The following DSG3 variants were observed in gnomAD, a reference collection of about 807,000 sequenced individuals.
The protein encoded by DSG3 is desmoglein-3.
A neutral mutation model predicts 85.9 loss-of-function variants in DSG3; 63 were observed. The ratio of observed to expected loss-of-function variants is 0.73; its 90% CI spans 0.60 to 0.90. The LOEUF (loss-of-function observed/expected upper bound fraction) is 0.90. DSG3 is among the 40% of genes least tolerant of loss of function. DSG3 has a pLI of 0.00. For synonymous variants in DSG3, 447 were observed against 441.9 expected (o/e 1.01, Z -0.14); for missense variants, 1,220 against 1,219.9 (o/e 1.00, Z 0.00).
At position 31,447,923 on chromosome 18, in the gene DSG3, G is replaced by A. The variant is rs2144255344; in HGVS notation, c.46G>A (p.Val16Met). The change falls in exon 1 of 16, where the codon GTG (valine) becomes ATG (methionine). Residue 16 changes from valine (V) to methionine (M), a missense_variant and splice_region_variant. Val to Met is a conservative substitution (Grantham distance 21). Transcript: ENST00000257189. Reference protein sequence around the residue: ...PRTTGALAIFVVVILVHGELR... With the variant: ...PRTTGALAIFMVVILVHGELR... ...AACTACAGGGGCTCTGGCCATCTTC[G>A]TGGTAAGTCCTGGATTTTCCTAATA... The A allele has an allele frequency of 6.3e-7, 1 of 1,583,056 alleles. No homozygotes were observed. Among genetic ancestry groups the A allele is most frequent in the African/African-American group, 1.4e-5 (1 of 72,602 alleles).
intron 11 of DSG3, among the ~76,000 whole-genome samples, chr18:31,468,404 C>T (rs2072835035): frequency 6.6e-6 from 1 of 152,120 alleles, no homozygotes; most frequent in African/African-American, 2.4e-5. Flanking sequence ...GTGGTTAAGC[C>T]CCAGAAGAGG....
chr18:31,465,694 G>T (rs2072813893), intron 10 of DSG3, among the ~76,000 whole-genome samples: 1 of 152,108 alleles, frequency 6.6e-6, no homozygotes, highest in African/African-American at 2.4e-5. Flanking sequence ...GGTTTGCTGT[G>T]GTTGAAGCAG....
intron 3 of DSG3, among the ~76,000 whole-genome samples, chr18:31,457,391 A>G (rs564121422): frequency 6.6e-6 from 1 of 152,236 alleles, no homozygotes; most frequent in South Asian, 2.1e-4. Flanking sequence ...TTGGATACAG[A>G]GTCTAGCAAA....
Position 31,475,859 on chromosome 18 carries a change from G to A in DSG3, c.2599G>A (p.Gly867Ser), listed in dbSNP as rs377333848. ...AEISLGVDGE[G>S]KEVQPPSKDS... ...GATAAGCCTTGGTGTTGATGGTGAA[G>A]GCAAAGAAGTTCAGCCACCCTCTAA... Residue 867 changes from glycine (G) to serine (S), a missense_variant, in exon 16 of 16, where the codon GGC becomes AGC. Physicochemically the swap from Gly to Ser is moderately conservative, Grantham distance 56. Coordinates refer to ENST00000257189, the MANE Select transcript of DSG3 (RefSeq NM_001944.3). 1.3e-5 allele frequency: 21 copies of A among 1,614,048 alleles called. No individual in the cohort carries two copies. Among genetic ancestry groups the A allele is most frequent in the Non-Finnish European group, 1.8e-5 (21 of 1,180,058 alleles).
In DSG3 at chr18:31,459,798, T is replaced by C. The variant is rs3737365; in HGVS notation, c.518-47T>C. On this transcript the variant is annotated intron_variant, in intron 5 of 15. Transcript: ENST00000257189. ...TTTGGAATATTTAAAGTAAACATAA[T>C]GTTAATTGTTACATATTCTTTAATA... The C allele has an allele frequency of 0.1, 154,973 of 1,501,888 alleles. 8,360 individuals carry two copies. The highest frequency in any genetic ancestry group is 0.13 in the African/African-American group (9,048 of 71,838). The allele number at this position is 1,501,888 out of a possible 1,614,324, so 93.0% of individuals were successfully genotyped here.
intron 1 of DSG3, among the ~76,000 whole-genome samples, chr18:31,455,278 C>G (rs2072735252): frequency 6.6e-6 from 1 of 152,036 alleles, no homozygotes; most frequent in South Asian, 2.1e-4. Context: ...ACATTAGCTA[C>G]TGTTATTACT....
Position 31,464,337 on chromosome 18 carries a change from A to G in DSG3, c.1226A>G (p.Tyr409Cys). ...TTGGTGGATTATATCCTGGGAACAT[A>G]TCAAGCCATCGATGAGGACACTAAC... ...KKLVDYILGT[Y>C]QAIDEDTNKA... Residue 409 changes from tyrosine to cysteine, a missense_variant, in exon 9 of 16, where the codon TAT (tyrosine) becomes TGT (cysteine). By Grantham distance (194) the Tyr-to-Cys change is radical. Coordinates refer to ENST00000257189, the MANE Select transcript of DSG3 (RefSeq NM_001944.3). The G allele has an allele frequency of 6.2e-7, 1 of 1,614,092 alleles. No homozygotes were observed. The highest frequency in any genetic ancestry group is 1.1e-5 in the South Asian group (1 of 91,048).
chr18:31,461,130 C>G (rs537995969), intron 7 of DSG3, 97 bp from the exon 8 acceptor site: 37 of 1,262,000 alleles, frequency 2.9e-5, no homozygotes, highest in Admixed American at 2.4e-4. Context: ...GAAGGAAATA[C>G]ATAATTTGAG....
chr18:31,475,522 C>G, intron 15 of DSG3, 124 bp from the exon 16 acceptor site: 1 of 1,172,012 alleles, frequency 8.5e-7, no homozygotes, highest in Non-Finnish European at 1.2e-6. Flanking sequence ...TAGACAGTGT[C>G]CTTTATTTCT....
In DSG3 at chr18:31,466,609, C is replaced by A. The variant is rs377026548; in HGVS notation, c.1491C>A (p.Leu497=). ...ATGACAATTGTCCAACAGCTGTCCTCGAAAAAGATGCAGTTTGCAGTTCTT... is the reference window on the plus strand; with the variant it reads ...ATGACAATTGTCCAACAGCTGTCCTAGAAAAAGATGCAGTTTGCAGTTCTT... ...DFNDNCPTAV[L]EKDAVCSSSP... The change falls in exon 11 of 16, where the codon CTC becomes CTA. Residue 497 remains leucine, a synonymous_variant. Coordinates refer to ENST00000257189, the MANE Select transcript of DSG3 (RefSeq NM_001944.3). The A allele has an allele frequency of 1.2e-6, 2 of 1,614,192 alleles. No individual in the cohort carries two copies. The highest frequency in any genetic ancestry group is 1.7e-5 in the Admixed American group (1 of 60,030).
At chr18:31,463,262 C>T (rs1347497010) in intron 8 of DSG3, among the ~76,000 whole-genome samples, 5 of 152,182 alleles carry the variant, frequency 3.3e-5, no homozygotes, top group African/African-American at 1.2e-4. Context: ...GCCTCTTACC[C>T]CTTGTATTAT....
chr18:31,475,499 A>G, intron 15 of DSG3, 147 bp from the exon 16 acceptor site: 1 of 1,012,350 alleles, frequency 9.9e-7, no homozygotes, highest in South Asian at 1.7e-5. Context: ...AATGTTTTGA[A>G]CAAGATTGTT....
Position 31,476,089 on chromosome 18 carries a change from C to A in DSG3, c.2829C>A (p.Leu943=). The change falls in exon 16 of 16, where the codon CTC becomes CTA. Residue 943 remains leucine (L), a synonymous_variant. Coordinates refer to ENST00000257189, the MANE Select transcript of DSG3 (RefSeq NM_001944.3). ...AGACTTACTCGGCTTCTGGTTCCCT[C>A]GTGCAACCTTCCACTGCAGGCTTTG... ...VTETYSASGS[L]VQPSTAGFDP... 6 of 1,614,200 alleles carry A rather than the reference C, an allele frequency of 3.7e-6. No homozygotes were observed. The highest frequency in any genetic ancestry group is 5.1e-6 in the Non-Finnish European group (6 of 1,180,042).
In DSG3 at chr18:31,476,478, T is replaced by A; in HGVS notation, c.*218T>A. ...CAAGTACTATTCAAATTGTAGTAAA[T>A]CTTAAAGTTTTTCAAAACCCTAAAA... On this transcript the variant is annotated 3_prime_UTR_variant, in exon 16 of 16. Coordinates refer to ENST00000257189, the MANE Select transcript of DSG3 (RefSeq NM_001944.3). 1 of 458,012 alleles carries A rather than the reference T, an allele frequency of 2.2e-6. No homozygotes were observed. The highest frequency in any genetic ancestry group is 3.6e-6 in the Non-Finnish European group (1 of 274,346). The allele number at this position is 458,012 out of a possible 1,614,324, so 28.4% of individuals were successfully genotyped here.
intron 8 of DSG3, among the ~76,000 whole-genome samples, chr18:31,461,799 C>T (rs1426354681): frequency 1.3e-5 from 2 of 152,208 alleles, no homozygotes; most frequent in African/African-American, 4.8e-5. Flanking sequence ...TGGATGGAAT[C>T]ACGTCTTGCC....
intron 9 of DSG3, among the ~76,000 whole-genome samples, chr18:31,464,903 G>A (rs917268361): frequency 6.6e-6 from 1 of 152,066 alleles, no homozygotes; most frequent in African/African-American, 2.4e-5. Context: ...TTGGGAGGCC[G>A]AGGCAGATGG....
rs141058045 is a variant in DSG3, at chr18:31,475,981, T to C, written c.2721T>C (p.Ala907=). The change falls in exon 16 of 16, where the codon GCT becomes GCC. Residue 907 remains alanine, a synonymous_variant. Transcript: ENST00000257189. ...KCQTLSGSQG[A]SALSTSGSVQ... ...AGACTTTGTCAGGAAGTCAAGGAGC[T>C]TCTGCTTTGTCCACCTCTGGGTCTG... 364 of 1,614,092 alleles carry C rather than the reference T, an allele frequency of 2.3e-4. No homozygotes were observed. The highest frequency in any genetic ancestry group is 2.4e-4 in the Non-Finnish European group (284 of 1,180,044).
At chr18:31,463,394 T>C (rs1340160853) in intron 8 of DSG3, among the ~76,000 whole-genome samples, 1 of 152,214 alleles carries the variant, frequency 6.6e-6, no homozygotes, top group Non-Finnish European at 1.5e-5. Flanking sequence ...TTTAGTGATA[T>C]ACAGTTGTAA....
At chr18:31,457,379 ACTTGGATACAGAGT>A (rs1159030269) in intron 3 of DSG3, among the ~76,000 whole-genome samples, 37 of 152,308 alleles carry the variant, frequency 2.4e-4, no homozygotes, top group African/African-American at 7.9e-4. Context: ...TAGAAGGCTT[ACTTGGATACAGAGT>A]CTAGCAAACA....
Sources: gnomAD v4.1 joint callset for allele counts (sites outside exome capture counted in the v4.1 genomes callset) on GRCh38, gnomAD v4.1.1 for gene constraint, MANE v1.5 for transcripts, NCBI Gene and HGNC (gene_info 2026-07-23, HGNC 2026-07-21) for gene names.